The following BICC1 variants were observed in gnomAD, a reference collection of about 807,000 sequenced individuals.
BICC1 encodes the protein BicC family RNA binding protein 1, also known as protein bicaudal C homolog 1.
BICC1 carries 43 observed loss-of-function variants against 111.0 expected under a neutral mutation model. The observed-to-expected ratio is 0.39, with a 90% CI of 0.30 to 0.50. The LOEUF (loss-of-function observed/expected upper bound fraction) is 0.50. Among genes scored for constraint, BICC1 ranks in the 20% least tolerant of loss-of-function variants. The probability of loss-of-function intolerance (pLI) is 0.88; values close to 1 mark genes in which losing one functional copy is unlikely to be tolerated. For missense variants in BICC1, 1,091 were observed against 1,203.2 expected (o/e 0.91, Z 1.38); for synonymous variants, 467 against 434.4 (o/e 1.07, Z -0.93).
At chr10:58,577,843 A>C (rs1429837118) in intron 1 of BICC1, among the ~76,000 whole-genome samples, 5 of 152,232 alleles carry the variant, frequency 3.3e-5, no homozygotes, top group Admixed American at 2.6e-4. Flanking sequence ...TTGAAATATT[A>C]TTTTATTCTA....
intron 2 of BICC1, among the ~76,000 whole-genome samples, chr10:58,674,550 C>T (rs994143290): frequency 6.6e-6 from 1 of 152,132 alleles, no homozygotes; most frequent in Non-Finnish European, 1.5e-5. Context: ...CTGAGTCAGG[C>T]ACTCTTGATT....
chr10:58,662,345 A>G (rs1542023), intron 2 of BICC1, among the ~76,000 whole-genome samples: 151,905 of 152,312 alleles, frequency 1, 75,751 homozygotes, highest in Middle Eastern at 1. Flanking sequence ...TTAAATGCCC[A>G]AATGAAATAA....
At chr10:58,702,644 T>C (rs2393470) in intron 3 of BICC1, among the ~76,000 whole-genome samples, 145,583 of 152,200 alleles carry the variant, frequency 0.96, 70,000 homozygotes, top group Middle Eastern at 1. Context: ...TGCCTGGTTT[T>C]ACCCTATGGG....
At chr10:58,795,171 A>G (rs1843313286) in intron 9 of BICC1, among the ~76,000 whole-genome samples, 1 of 152,206 alleles carries the variant, frequency 6.6e-6, no homozygotes, top group Non-Finnish European at 1.5e-5. Flanking sequence ...TTTTGAAACT[A>G]TAAATCTTAT....
intron 16 of BICC1, 83 bp from the exon 17 acceptor site, chr10:58,806,921 C>A (rs1843726180): frequency 2.4e-6 from 3 of 1,265,494 alleles, no homozygotes; most frequent in Non-Finnish European, 3.3e-6. Flanking sequence ...TCACATATAT[C>A]AAAGAAACGA....
intron 1 of BICC1, among the ~76,000 whole-genome samples, chr10:58,604,560 C>G (rs923260201): frequency 6.6e-6 from 1 of 152,052 alleles, no homozygotes. Context: ...ACTCGGGAGG[C>G]TGAGGCAGGA....
Position 58,787,005 on chromosome 10 carries a change from A to G in BICC1, c.470A>G (p.Lys157Arg). Residue 157 changes from lysine to arginine, a missense_variant, in exon 5 of 21, where the codon AAA (lysine) becomes AGA (arginine). Physicochemically the swap from Lys to Arg is conservative, Grantham distance 26 (BLOSUM62 2). Coordinates refer to ENST00000373886, the MANE Select transcript of BICC1 (RefSeq NM_001080512.3). ...GGCAAAGGTGGCAACAATATTAAAAAAGTGATGGAAGAAACCGGATGCCAT... is the reference window on the plus strand; with the variant it reads ...GGCAAAGGTGGCAACAATATTAAAAGAGTGATGGAAGAAACCGGATGCCAT... Reference protein sequence around the residue: ...VIGKGGNNIKKVMEETGCHIH... With the variant: ...VIGKGGNNIKRVMEETGCHIH... 6.2e-7 allele frequency: 1 copy of G among 1,610,098 alleles called. No individual in the cohort carries two copies.
At chr10:58,700,565 T>A (rs1464927581) in intron 2 of BICC1, among the ~76,000 whole-genome samples, 1 of 152,214 alleles carries the variant, frequency 6.6e-6, no homozygotes, top group Non-Finnish European at 1.5e-5. Context: ...GCCAGACCAG[T>A]ACCTTGACTT....
intron 1 of BICC1, among the ~76,000 whole-genome samples, chr10:58,617,540 G>T (rs1213938822): frequency 6.6e-6 from 1 of 152,226 alleles, no homozygotes; most frequent in Non-Finnish European, 1.5e-5. Flanking sequence ...TCTAGCTGGG[G>T]TGCTGCTATT....
chr10:58,601,160 A>ATATATATATATG (rs1329482257), intron 1 of BICC1, among the ~76,000 whole-genome samples: 1 of 139,166 alleles, frequency 7.2e-6, no homozygotes, highest in Non-Finnish European at 1.6e-5. Flanking sequence ...ATATATATAT[A>ATATATATATATG]TATATATATA....
intron 2 of BICC1, among the ~76,000 whole-genome samples, chr10:58,659,193 CAA>C (rs1335345493): frequency 1.3e-5 from 2 of 152,064 alleles, no homozygotes; most frequent in Non-Finnish European, 2.9e-5. Context: ...GGTGATTTTT[CAA>C]AGAGCTCAAT....
chr10:58,679,012 A>C (rs760109706), intron 2 of BICC1, among the ~76,000 whole-genome samples: 2 of 152,200 alleles, frequency 1.3e-5, no homozygotes, highest in Non-Finnish European at 2.9e-5. Context: ...AATGTACCAG[A>C]ATCTCTGGGA....
At chr10:58,807,265 T>C in intron 17 of BICC1, 107 bp downstream of exon 17, 1 of 1,041,314 alleles carries the variant, frequency 9.6e-7, no homozygotes, top group Non-Finnish European at 1.4e-6. Flanking sequence ...AAATGATTAG[T>C]GGTGACTTGT....
At chr10:58,709,026 A>G (rs769538622) in intron 3 of BICC1, among the ~76,000 whole-genome samples, 7 of 152,204 alleles carry the variant, frequency 4.6e-5, no homozygotes, top group Non-Finnish European at 5.9e-5. Flanking sequence ...TAGCATATCC[A>G]TCACCTCCAG....
chr10:58,518,598 G>C (rs933681153), intron 1 of BICC1, among the ~76,000 whole-genome samples: 1 of 140,106 alleles, frequency 7.1e-6, no homozygotes, highest in Non-Finnish European at 1.6e-5. Context: ...GTTGGGGGGG[G>C]GGGGGTGTGT....
Position 58,829,042 on chromosome 10 carries a change from G to A in BICC1, c.*151G>A. ...TCGCACCTGTACTTTATGGCAAAAA[G>A]GAAGAAGAGAGAGAAGATGTTCTTA... On this transcript the variant is annotated 3_prime_UTR_variant, in exon 21 of 21. Coordinates refer to ENST00000373886, the MANE Select transcript of BICC1 (RefSeq NM_001080512.3). 2 of 821,782 alleles carry A rather than the reference G, an allele frequency of 2.4e-6. No individual in the cohort carries two copies. Among genetic ancestry groups the A allele is most frequent in the Non-Finnish European group, 1.8e-6 (1 of 546,540 alleles). The allele number at this position is 821,782 out of a possible 1,614,324, so 50.9% of individuals were successfully genotyped here. A position where few individuals can be genotyped will look rare whatever the true frequency, so the allele number is the denominator to read the frequency against.
intron 2 of BICC1, among the ~76,000 whole-genome samples, chr10:58,625,754 A>G (rs1845969900): frequency 6.6e-6 from 1 of 152,118 alleles, no homozygotes; most frequent in Non-Finnish European, 1.5e-5. Context: ...AATTCCTGGG[A>G]TAAATAATTT....
chr10:58,556,642 C>G (rs1425815125), intron 1 of BICC1, among the ~76,000 whole-genome samples: 1 of 151,826 alleles, frequency 6.6e-6, no homozygotes, highest in Non-Finnish European at 1.5e-5. Context: ...CTTAACATCA[C>G]TTACAATATT....
At chr10:58,743,993 G>A (rs1841752333) in intron 3 of BICC1, among the ~76,000 whole-genome samples, 1 of 151,984 alleles carries the variant, frequency 6.6e-6, no homozygotes, top group African/African-American at 2.4e-5. Context: ...AAATATTCAT[G>A]CCACAAAAAT....
Sources: allele counts gnomAD v4.1 joint callset (sites outside exome capture counted in the v4.1 genomes callset), GRCh38; gene constraint gnomAD v4.1.1; transcripts MANE v1.5; gene names NCBI Gene and HGNC (gene_info 2026-07-23, HGNC 2026-07-21).